VPS41: variants seen among roughly 807,000 people sequenced by gnomAD.
The protein encoded by VPS41 is VPS41 subunit of HOPS complex, also known as vacuolar protein sorting-associated protein 41 homolog.
VPS41 carries 85 observed loss-of-function variants against 130.9 expected under a neutral mutation model. That is an observed-to-expected ratio of 0.65 (90% CI 0.55 to 0.78). The LOEUF is 0.78. VPS41 is among the 30% of genes least tolerant of loss of function. The pLI is 0.00. For missense variants in VPS41, 874 were observed against 1,018.7 expected, an observed-to-expected ratio of 0.86 and a Z score of 1.93; for synonymous variants, 335 against 332.9, an observed-to-expected ratio of 1.01 and a Z score of -0.07.
At chr7:38,836,550 T>C (rs904609912) in intron 4 of VPS41, among the ~76,000 whole-genome samples, 4 of 152,160 alleles carry the variant, frequency 2.6e-5, no homozygotes, top group African/African-American at 7.2e-5. Context: ...GAAGTAATTA[T>C]AGGTAAAGGA....
intron 4 of VPS41, among the ~76,000 whole-genome samples, chr7:38,842,316 G>A (rs559045698): frequency 8.4e-4 from 128 of 152,060 alleles, no homozygotes; most frequent in African/African-American, 2.9e-3. Context: ...CACATCCCCC[G>A]ACACACGCTC....
At chr7:38,788,394 C>A (rs974267950) in intron 10 of VPS41, among the ~76,000 whole-genome samples, 1 of 152,174 alleles carries the variant, frequency 6.6e-6, no homozygotes, top group Non-Finnish European at 1.5e-5. Context: ...AGCAAACTAC[C>A]TGCACTTAAA....
At chr7:38,815,059 A>G (rs1785015925) in intron 7 of VPS41, among the ~76,000 whole-genome samples, 1 of 152,188 alleles carries the variant, frequency 6.6e-6, no homozygotes, top group South Asian at 2.1e-4. Context: ...ATGAGATAAT[A>G]AATGTTTGTT....
intron 6 of VPS41, among the ~76,000 whole-genome samples, chr7:38,819,557 A>C (rs909979413): frequency 6.6e-6 from 1 of 152,178 alleles, no homozygotes; most frequent in African/African-American, 2.4e-5. Flanking sequence ...CTCTGAAAAG[A>C]GTCCTCAGCA....
At chr7:38,881,833 CG>C (rs1786616131) in intron 2 of VPS41, among the ~76,000 whole-genome samples, 1 of 152,074 alleles carries the variant, frequency 6.6e-6, no homozygotes, top group African/African-American at 2.4e-5. Flanking sequence ...CATTCACTGA[CG>C]AGCAGCTCTA....
chr7:38,838,640 G>A lies in VPS41; in HGVS notation c.247-8312C>T, dbSNP rs369622177. Among the ~76,000 whole-genome samples, 14 of 152,246 alleles carry A rather than the reference G, an allele frequency of 9.2e-5. 1 individual carries two copies. The highest frequency in any genetic ancestry group is 1.9e-4 in the East Asian group (1 of 5,178). On this transcript the variant is annotated intron_variant, in intron 4 of 28. Transcript: ENST00000310301. ...CTTAATGGAATAAAAAAAGAAGTCCGAGTAAGCAGGAGGGGGCAAGGACCA... is the reference window on the plus strand; with the variant it reads ...CTTAATGGAATAAAAAAAGAAGTCCAAGTAAGCAGGAGGGGGCAAGGACCA...
Position 38,726,886 on chromosome 7 carries a change from T to C in VPS41, c.2484+23A>G, listed in dbSNP as rs564794954. On this transcript the variant is annotated intron_variant, in intron 28 of 28. Coordinates refer to ENST00000310301, the MANE Select transcript of VPS41 (RefSeq NM_014396.4). ...AGTGTGTTAATTTCCCTCTAGTTGATAGGTGCCAAGCTGCCAACTCACCAT... is the reference window on the plus strand; with the variant it reads ...AGTGTGTTAATTTCCCTCTAGTTGACAGGTGCCAAGCTGCCAACTCACCAT... 9 of 1,497,114 alleles carry C rather than the reference T, an allele frequency of 6.0e-6. No individual in the cohort carries two copies. In the East Asian group the frequency reaches 1.0e-4, roughly 17 times the overall value. 92.7% of individuals were successfully genotyped at this position (1,497,114 alleles called of 1,614,324 possible). A position where few individuals can be genotyped will look rare whatever the true frequency, so the allele number is the denominator to read the frequency against.
At chr7:38,751,319 A>G (rs1783668407) in intron 22 of VPS41, among the ~76,000 whole-genome samples, 2 of 152,208 alleles carry the variant, frequency 1.3e-5, no homozygotes, top group Non-Finnish European at 2.9e-5. Flanking sequence ...CTGACTTTCA[A>G]AAGTATCTGG....
chr7:38,903,757 T>TA (rs891283340), intron 1 of VPS41, among the ~76,000 whole-genome samples: 1 of 152,204 alleles, frequency 6.6e-6, no homozygotes, highest in Non-Finnish European at 1.5e-5. Context: ...AGCTTCAATT[T>TA]AAAAAACCTC....
At chr7:38,899,663 G>C (rs1000060959) in intron 1 of VPS41, among the ~76,000 whole-genome samples, 1 of 152,084 alleles carries the variant, frequency 6.6e-6, no homozygotes, top group Non-Finnish European at 1.5e-5. Context: ...ACTGGGGTTG[G>C]AAGAGTGAGG....
intron 27 of VPS41, 106 bp from the exon 28 acceptor site, chr7:38,727,094 G>C (rs952506558): frequency 3.6e-5 from 39 of 1,081,190 alleles, no homozygotes; most frequent in Non-Finnish European, 4.6e-5. Flanking sequence ...TCAGCAATAA[G>C]GTGCCTTTAG....
chr7:38,796,996 T>A lies in VPS41; in HGVS notation c.451-132A>T, dbSNP rs1389210847. 3 of 963,004 alleles carry A rather than the reference T, an allele frequency of 3.1e-6. No homozygotes were observed. In the African/African-American group the frequency reaches 4.9e-5, roughly 16 times the overall value. 59.7% of individuals were successfully genotyped at this position (963,004 alleles called of 1,614,324 possible). A position where few individuals can be genotyped will look rare whatever the true frequency, so the allele number is the denominator to read the frequency against. On this transcript the variant is annotated intron_variant, in intron 7 of 28. Coordinates refer to ENST00000310301, the MANE Select transcript of VPS41 (RefSeq NM_014396.4). ...ACTCTCGACGTCTTTAATGTAGACT[T>A]ACAGTAGTATGTTATTTGTACCTTG...
At chr7:38,840,774 T>C (rs1785592982) in intron 4 of VPS41, among the ~76,000 whole-genome samples, 1 of 152,174 alleles carries the variant, frequency 6.6e-6, no homozygotes, top group Admixed American at 6.5e-5. Context: ...GGAAATATCA[T>C]ATTAATTACC....
intron 1 of VPS41, among the ~76,000 whole-genome samples, chr7:38,908,909 G>A (rs971531315): frequency 1.7e-4 from 26 of 152,338 alleles, no homozygotes; most frequent in African/African-American, 5.5e-4. Flanking sequence ...CACAGGGATG[G>A]GGCCCGAGGA....
chr7:38,855,208 C>CA (rs746134361), intron 4 of VPS41, among the ~76,000 whole-genome samples: 19,942 of 76,838 alleles, frequency 0.26, 2,437 homozygotes, highest in East Asian at 0.42. Flanking sequence ...GACTCCCTCT[C>CA]AAAAAAAAAA....
rs1295553305 is a variant in VPS41 at position 38,818,244 on chromosome 7, C to CA, written c.385-363dup. ...CTAACTGGATACAATTTACAGAAAA[C>CA]AAAACAAAAAAAAAAAAACAGAAAG... On this transcript the variant is annotated intron_variant, in intron 6 of 28. Coordinates refer to ENST00000310301, the MANE Select transcript of VPS41 (RefSeq NM_014396.4). Among the ~76,000 whole-genome samples, 101 of 69,246 alleles carry CA rather than the reference C, an allele frequency of 1.5e-3. 1 individual carries two copies. The highest frequency in any genetic ancestry group is 7.1e-3 in the Middle Eastern group (1 of 140). The allele number at this position is 69,246 out of a possible 152,430, so 45.4% of individuals were successfully genotyped here.
Position 38,723,272 on chromosome 7 carries a change from T to C in VPS41, c.*2974A>G, listed in dbSNP as rs993820137. 3 of 152,148 alleles carry C rather than the reference T, an allele frequency of 2.0e-5. No homozygotes were observed. The highest frequency in any genetic ancestry group is 1.3e-4 in the Admixed American group (2 of 15,268). 9.4% of individuals were successfully genotyped at this position (152,148 alleles called of 1,614,324 possible). A position where few individuals can be genotyped will look rare whatever the true frequency, so the allele number is the denominator to read the frequency against. On this transcript the variant is annotated 3_prime_UTR_variant, in exon 29 of 29. Transcript: ENST00000310301. Reference sequence around the variant, plus strand: ...AGGGTCAACTATATATAGCTTTACATTGTAACAACAGCAAAATGAACTACA... The same window carrying C: ...AGGGTCAACTATATATAGCTTTACACTGTAACAACAGCAAAATGAACTACA...
At chr7:38,832,234 C>T (rs1785400084) in intron 4 of VPS41, among the ~76,000 whole-genome samples, 1 of 151,126 alleles carries the variant, frequency 6.6e-6, no homozygotes, top group Non-Finnish European at 1.5e-5. Flanking sequence ...ATTGTATATA[C>T]AGTCTCCTAT....
intron 16 of VPS41, among the ~76,000 whole-genome samples, chr7:38,764,740 AAC>A (rs1783996869): frequency 1.3e-5 from 2 of 152,150 alleles, no homozygotes; most frequent in Admixed American, 6.5e-5. Flanking sequence ...GTGTATCACA[AAC>A]ACAGACTCAA....
Sources: gnomAD v4.1 joint callset for allele counts (sites outside exome capture counted in the v4.1 genomes callset) on GRCh38, gnomAD v4.1.1 for gene constraint, MANE v1.5 for transcripts, NCBI Gene and HGNC (gene_info 2026-07-23, HGNC 2026-07-21) for gene names.